ANP32B: variants seen among roughly 807,000 people sequenced by gnomAD.
ANP32B encodes acidic leucine-rich nuclear phosphoprotein 32 family member B.
Under a neutral mutation model 32.2 loss-of-function variants are expected in ANP32B, and 6 were observed. The observed-to-expected ratio is 0.19, with a 90% confidence interval of 0.10 to 0.37. The LOEUF (loss-of-function observed/expected upper bound fraction) is 0.37, where lower values mean the gene tolerates loss of function less well. Among genes scored for constraint, ANP32B ranks in the 10% least tolerant of loss-of-function variants. The pLI is 1.00. For missense variants in ANP32B, 204 were observed against 289.2 expected (o/e 0.71, Z 2.14); for synonymous variants, 98 against 105.8 (o/e 0.93, Z 0.45).
At position 97,983,377 on chromosome 9, in the gene ANP32B, A is replaced by G. The variant is rs1203559275; in HGVS notation, c.-179A>G. On this transcript the variant is annotated 5_prime_UTR_variant, in exon 1 of 7. An upstream open reading frame in the 5' UTR loses its in-frame stop. Transcript: ENST00000339399. ...ATGGTTTCTCTCCGCTCCCGTGAGT[A>G]ACTTGGCTCCGGGGGCTCCGCTCGC... is the stretch of plus-strand genomic sequence containing the variant. 1.8e-6 allele frequency: 1 copy of G among 558,694 alleles called. No homozygotes were observed. Among genetic ancestry groups the G allele is most frequent in the African/African-American group, 2.0e-5 (1 of 48,910 alleles). 34.6% of individuals were successfully genotyped at this position (558,694 alleles called of 1,614,324 possible).
At chr9:97,984,622 C>G (rs1179225766) in intron 1 of ANP32B, 1 of 150,872 alleles carries the variant, frequency 6.6e-6, no homozygotes, top group African/African-American at 2.4e-5. Flanking sequence ...GTGAGCCGGC[C>G]CACGAGCTTG....
chr9:98,000,150 A>G (rs1433526528), intron 3 of ANP32B, among the ~76,000 whole-genome samples: 1 of 152,224 alleles, frequency 6.6e-6, no homozygotes, highest in Non-Finnish European at 1.5e-5. Context: ...GTGCATGTGT[A>G]TATGTATTCT....
chr9:98,004,018 G>A (rs539425637), intron 3 of ANP32B, among the ~76,000 whole-genome samples: 153 of 152,244 alleles, frequency 1.0e-3, no homozygotes, highest in Non-Finnish European at 1.8e-3. Context: ...CTATAGTGTA[G>A]TACCTCTGCC....
chr9:97,983,521 G>T lies in ANP32B; in HGVS notation c.-35G>T, dbSNP rs753779712. The T allele has an allele frequency of 1.9e-6, 3 of 1,545,764 alleles. No homozygotes were observed. The highest frequency in any genetic ancestry group is 2.4e-5 in the South Asian group (2 of 83,216). On this transcript the variant is annotated 5_prime_UTR_variant, in exon 1 of 7. Coordinates refer to ENST00000339399, the MANE Select transcript of ANP32B (RefSeq NM_006401.3). Reference sequence around the variant, plus strand: ...CTCTCCCCCCTCCGCCCCCGCCGCGGAAAGTTAAGTTTGAAGAGGGGGGAA... The same window carrying T: ...CTCTCCCCCCTCCGCCCCCGCCGCGTAAAGTTAAGTTTGAAGAGGGGGGAA...
chr9:98,009,158 A>C (rs76917914), intron 4 of ANP32B, among the ~76,000 whole-genome samples: 1 of 152,118 alleles, frequency 6.6e-6, no homozygotes, highest in African/African-American at 2.4e-5. Flanking sequence ...TTTCATTCAT[A>C]AGGGAAATAA....
intron 6 of ANP32B, among the ~76,000 whole-genome samples, chr9:98,013,782 A>G (rs560403405): frequency 6.6e-6 from 1 of 152,114 alleles, no homozygotes; most frequent in South Asian, 2.1e-4. Flanking sequence ...ACTCAAACCC[A>G]GGAGGCAGAG....
intron 2 of ANP32B, among the ~76,000 whole-genome samples, chr9:97,997,458 C>G (rs1180112358): frequency 1.3e-5 from 2 of 152,128 alleles, no homozygotes; most frequent in African/African-American, 2.4e-5. Context: ...TCATGCTATT[C>G]TAGGTACGTA....
intron 1 of ANP32B, among the ~76,000 whole-genome samples, chr9:97,983,996 C>T (rs1042505517): frequency 1.3e-5 from 2 of 150,400 alleles, no homozygotes; most frequent in African/African-American, 2.4e-5. Flanking sequence ...GCCCGGCCTG[C>T]CGAGGAGCTG....
intron 3 of ANP32B, among the ~76,000 whole-genome samples, chr9:97,999,831 C>A (rs1827960860): frequency 6.6e-6 from 1 of 152,184 alleles, no homozygotes. Context: ...AGGGCAGCCC[C>A]ACAGGCTGTG....
chr9:97,983,502 C>CCCCTCCG lies in ANP32B; in HGVS notation c.-50_-44dup. 4.0e-6 allele frequency: 6 copies of CCCCTCCG among 1,482,836 alleles called. No individual in the cohort carries two copies. Among genetic ancestry groups the CCCCTCCG allele is most frequent in the Non-Finnish European group, 5.5e-6 (6 of 1,093,840 alleles). The allele number at this position is 1,482,836 out of a possible 1,614,324, so 91.9% of individuals were successfully genotyped here. A position where few individuals can be genotyped will look rare whatever the true frequency, so the allele number is the denominator to read the frequency against. ...GCTGCGCAAGCCGGGACGCCTCTCC[C>CCCCTCCG]CCCTCCGCCCCCGCCGCGGAAAGTT... is the stretch of plus-strand genomic sequence containing the variant. On this transcript the variant is annotated 5_prime_UTR_variant, in exon 1 of 7. Coordinates refer to ENST00000339399, the MANE Select transcript of ANP32B (RefSeq NM_006401.3).
intron 6 of ANP32B, 138 bp downstream of exon 6, chr9:98,012,610 T>A: frequency 7.6e-7 from 1 of 1,307,394 alleles, no homozygotes; most frequent in Non-Finnish European, 1.0e-6. Context: ...TTCTCGTTTC[T>A]ATCGTCCCAT....
chr9:98,009,030 G>A (rs1300205818), intron 4 of ANP32B, among the ~76,000 whole-genome samples: 3 of 152,084 alleles, frequency 2.0e-5, no homozygotes, highest in South Asian at 2.1e-4. Context: ...ACACTGAGTA[G>A]GTACTTGGTA....
intron 1 of ANP32B, among the ~76,000 whole-genome samples, chr9:97,994,383 T>C (rs905684571): frequency 3.3e-5 from 5 of 152,220 alleles, no homozygotes; most frequent in Admixed American, 6.5e-5. Flanking sequence ...ATAGTTTCTG[T>C]TTCTGGAAAA....
At chr9:97,990,814 CTTTTT>C (rs34489949) in intron 1 of ANP32B, among the ~76,000 whole-genome samples, 1 of 98,868 alleles carries the variant, frequency 1.0e-5, no homozygotes, top group Non-Finnish European at 1.9e-5. Flanking sequence ...ACAGTTGAAC[CTTTTT>C]TTTTTTTTTT....
At chr9:97,994,255 C>T (rs527915205) in intron 1 of ANP32B, among the ~76,000 whole-genome samples, 1 of 152,230 alleles carries the variant, frequency 6.6e-6, no homozygotes, top group South Asian at 2.1e-4. Context: ...TAAGGTAGAC[C>T]CAGCCTAAAG....
intron 1 of ANP32B, among the ~76,000 whole-genome samples, chr9:97,986,181 A>G (rs1267273541): frequency 6.6e-6 from 1 of 152,246 alleles, no homozygotes; most frequent in East Asian, 1.9e-4. Context: ...GAGCCATTTA[A>G]TTCAGTTAAA....
intron 3 of ANP32B, among the ~76,000 whole-genome samples, chr9:98,000,194 G>T (rs1301050344): frequency 6.6e-6 from 1 of 152,134 alleles, no homozygotes; most frequent in Non-Finnish European, 1.5e-5. Flanking sequence ...GGCCAGGCTG[G>T]TCTTGAACTC....
At position 97,983,608 on chromosome 9, in the gene ANP32B, C is replaced by CTGTA; in HGVS notation, c.54_54+3dup. Reference sequence around the variant, plus strand: ...GAGCTGAGGAACCGGACCCCGGCAGCTGTAAGCAGAGACCCCTCTGGGTGC... The same window carrying CTGTA: ...GAGCTGAGGAACCGGACCCCGGCAGCTGTATGTAAGCAGAGACCCCTCTGGGTGC... On this transcript the variant is annotated frameshift_variant and splice_region_variant, in exon 1 of 7. Transcript: ENST00000339399. LOFTEE classifies it high-confidence loss of function. The CTGTA allele has an allele frequency of 3.2e-6, 5 of 1,576,574 alleles. No homozygotes were observed. Among genetic ancestry groups the CTGTA allele is most frequent in the Non-Finnish European group, 4.3e-6 (5 of 1,162,350 alleles).
intron 1 of ANP32B, 63 bp downstream of exon 1, chr9:97,983,672 G>A: frequency 7.4e-7 from 1 of 1,348,356 alleles, no homozygotes; most frequent in Non-Finnish European, 1.0e-6. Flanking sequence ...GTGGCCACCT[G>A]CGGGGCCCGG....
Sources: gnomAD v4.1 joint callset for allele counts (sites outside exome capture counted in the v4.1 genomes callset) on GRCh38, gnomAD v4.1.1 for gene constraint, MANE v1.5 for transcripts, NCBI Gene and HGNC (gene_info 2026-07-23, HGNC 2026-07-21) for gene names.